Variants in SLC9A9 observed in about 807,000 individuals in gnomAD.
The protein encoded by SLC9A9 is sodium/hydrogen exchanger 9.
In SLC9A9, 62 loss-of-function variants were observed where a neutral mutation model predicts 77.8. The ratio of observed to expected loss-of-function variants is 0.80; its 90% CI spans 0.65 to 0.98. The LOEUF is 0.98. SLC9A9 is among the 50% of genes least tolerant of loss of function. The pLI, the probability that SLC9A9 is intolerant of heterozygous loss-of-function variation, is 0.00. For synonymous variants in SLC9A9, 320 were observed against 283.5 expected (o/e 1.13, Z -1.29); for missense variants, 775 against 774.9 (o/e 1.00, Z 0.00).
intron 6 of SLC9A9, among the ~76,000 whole-genome samples, chr3:143,581,290 G>C (rs958260420): frequency 6.6e-6 from 1 of 152,108 alleles, no homozygotes; most frequent in African/African-American, 2.4e-5. Context: ...CGTGTGGTGG[G>C]GTAAAGATGG....
At position 143,266,910 on chromosome 3, in the gene SLC9A9, T is replaced by C; in HGVS notation, c.1730A>G (p.Asp577Gly). ...QAYGEQLKED[D>G]VECIVNQDEL... Reference sequence around the variant, plus strand: ...ATCCTGGTTTACAATGCATTCCACATCATCCTCTTTTAGCTGTTCCTGGTT... The same window carrying C: ...ATCCTGGTTTACAATGCATTCCACACCATCCTCTTTTAGCTGTTCCTGGTT... The change falls in exon 16 of 16, where the codon GAT (aspartate) becomes GGT (glycine). Residue 577 changes from aspartate to glycine, a missense_variant. Physicochemically the swap from Asp to Gly is moderately conservative, Grantham distance 94. Coordinates refer to ENST00000316549, the MANE Select transcript of SLC9A9 (RefSeq NM_173653.4). The C allele has an allele frequency of 1.9e-6, 3 of 1,614,018 alleles. No homozygotes were observed. Among genetic ancestry groups the C allele is most frequent in the Non-Finnish European group, 2.5e-6 (3 of 1,179,906 alleles).
intron 2 of SLC9A9, among the ~76,000 whole-genome samples, chr3:143,810,087 GGA>G (rs1256722286): frequency 6.6e-6 from 1 of 152,052 alleles, no homozygotes; most frequent in Non-Finnish European, 1.5e-5. Context: ...AGATAAAATG[GGA>G]GAGAGAAAAA....
intron 6 of SLC9A9, among the ~76,000 whole-genome samples, chr3:143,584,290 C>T (rs1376724047): frequency 6.6e-6 from 1 of 152,128 alleles, no homozygotes; most frequent in African/African-American, 2.4e-5. Flanking sequence ...ACCCAGCCAC[C>T]TCAAGCTCCT....
At chr3:143,714,144 G>A (rs1934269611) in intron 4 of SLC9A9, among the ~76,000 whole-genome samples, 2 of 152,032 alleles carry the variant, frequency 1.3e-5, no homozygotes, top group South Asian at 4.1e-4. Context: ...CTCCGAATTG[G>A]GACACAACTC....
intron 4 of SLC9A9, among the ~76,000 whole-genome samples, chr3:143,766,947 T>G (rs1478587944): frequency 6.6e-6 from 1 of 152,184 alleles, no homozygotes; most frequent in African/African-American, 2.4e-5. Flanking sequence ...AGTTATTGTT[T>G]TGCAAATTTA....
chr3:143,596,024 G>A (rs2037746106), intron 6 of SLC9A9, among the ~76,000 whole-genome samples: 2 of 151,980 alleles, frequency 1.3e-5, no homozygotes, highest in South Asian at 4.2e-4. Flanking sequence ...TGAGATGGAG[G>A]GTTTTTGCAA....
At chr3:143,315,513 C>G (rs1032869826) in intron 14 of SLC9A9, among the ~76,000 whole-genome samples, 9 of 152,214 alleles carry the variant, frequency 5.9e-5, no homozygotes, top group African/African-American at 1.9e-4. Flanking sequence ...GCTTCCCACA[C>G]AGAATAAGTC....
At chr3:143,789,253 G>A (rs2008148228) in intron 4 of SLC9A9, among the ~76,000 whole-genome samples, 1 of 152,140 alleles carries the variant, frequency 6.6e-6, no homozygotes, top group South Asian at 2.1e-4. Context: ...GAAACCTTTA[G>A]TTCTAGCTAA....
intron 11 of SLC9A9, among the ~76,000 whole-genome samples, chr3:143,486,812 A>G (rs543781077): frequency 1.3e-5 from 2 of 152,220 alleles, no homozygotes; most frequent in South Asian, 4.1e-4. Context: ...AAGGAATTTA[A>G]ACATTTCACT....
At chr3:143,626,440 A>T (rs1326940055) in intron 6 of SLC9A9, among the ~76,000 whole-genome samples, 3 of 152,364 alleles carry the variant, frequency 2.0e-5, no homozygotes, top group Non-Finnish European at 1.5e-5. Flanking sequence ...GCAGCCATAA[A>T]AAATGATGAG....
chr3:143,688,324 G>A (rs924350860), intron 5 of SLC9A9, among the ~76,000 whole-genome samples: 6 of 151,898 alleles, frequency 4.0e-5, no homozygotes, highest in Non-Finnish European at 4.4e-5. Flanking sequence ...CACCTGCCAC[G>A]GAAGGAGCAG....
intron 4 of SLC9A9, among the ~76,000 whole-genome samples, chr3:143,771,733 G>A (rs2305231): frequency 3.9e-5 from 6 of 152,222 alleles, no homozygotes; most frequent in East Asian, 3.9e-4. Context: ...GTTGTCCCTC[G>A]TCACCTTTCT....
intron 5 of SLC9A9, among the ~76,000 whole-genome samples, chr3:143,659,132 T>C (rs2038940917): frequency 6.6e-6 from 1 of 152,172 alleles, no homozygotes; most frequent in Non-Finnish European, 1.5e-5. Flanking sequence ...AATTAGGATT[T>C]TCACTTCAGC....
At chr3:143,361,615 G>T (rs141269450) in intron 14 of SLC9A9, among the ~76,000 whole-genome samples, 7 of 152,218 alleles carry the variant, frequency 4.6e-5, no homozygotes, top group Non-Finnish European at 1.0e-4. Context: ...ATATATATTT[G>T]TGTAGTGACG....
At chr3:143,772,283 G>A (rs1012032027) in intron 4 of SLC9A9, among the ~76,000 whole-genome samples, 4 of 152,064 alleles carry the variant, frequency 2.6e-5, no homozygotes, top group Admixed American at 6.5e-5. Flanking sequence ...TGACACCTTC[G>A]TGCTCCAAGG....
intron 14 of SLC9A9, among the ~76,000 whole-genome samples, chr3:143,342,909 T>C (rs2032150821): frequency 1.3e-5 from 2 of 152,188 alleles, no homozygotes; most frequent in African/African-American, 2.4e-5. Flanking sequence ...TTCTTTCTTA[T>C]CTATATGTGA....
chr3:143,685,647 C>A (rs571673359), intron 5 of SLC9A9, among the ~76,000 whole-genome samples: 1 of 152,076 alleles, frequency 6.6e-6, no homozygotes. Flanking sequence ...TGAGTGGCTT[C>A]CTGAAGACCT....
chr3:143,319,964 C>T (rs924792911), intron 14 of SLC9A9, among the ~76,000 whole-genome samples: 2 of 152,196 alleles, frequency 1.3e-5, no homozygotes, highest in Admixed American at 6.5e-5. Context: ...TGGGCTGGTG[C>T]TGTCACCTGT....
intron 6 of SLC9A9, among the ~76,000 whole-genome samples, chr3:143,617,500 T>C (rs994904081): frequency 2.0e-5 from 3 of 152,256 alleles, no homozygotes; most frequent in African/African-American, 4.8e-5. Context: ...CTATGCTTTA[T>C]TTAGTCTGCT....
Sources: allele counts gnomAD v4.1 joint callset (sites outside exome capture counted in the v4.1 genomes callset), GRCh38; gene constraint gnomAD v4.1.1; transcripts MANE v1.5; gene names NCBI Gene and HGNC (gene_info 2026-07-23, HGNC 2026-07-21).